The following GNA14 variants were observed in gnomAD, a reference collection of about 807,000 sequenced individuals.
GNA14 encodes the protein G protein subunit alpha 14.
In GNA14, 50 loss-of-function variants were observed where a neutral mutation model predicts 42.0. The observed-to-expected ratio is 1.19, with a 90% CI of 0.95 to 1.51. The LOEUF (loss-of-function observed/expected upper bound fraction) is 1.51. Among genes scored for constraint, GNA14 ranks in the 40% most tolerant of loss-of-function variants. The pLI is 0.00. For missense variants in GNA14, 473 were observed against 446.2 expected, an observed-to-expected ratio of 1.06 and a Z score of -0.54; for synonymous variants, 173 against 163.1, an observed-to-expected ratio of 1.06 and a Z score of -0.46.
chr9:77,426,327 T>G (rs147236925), intron 5 of GNA14, among the ~76,000 whole-genome samples: 4 of 151,964 alleles, frequency 2.6e-5, no homozygotes, highest in Non-Finnish European at 4.4e-5. Context: ...CTTTCTGAGA[T>G]GGAGTCTCGC....
intron 2 of GNA14, among the ~76,000 whole-genome samples, chr9:77,482,255 A>C (rs1485752796): frequency 6.6e-6 from 1 of 152,020 alleles, no homozygotes; most frequent in Admixed American, 6.5e-5. Flanking sequence ...GTGGTGACAA[A>C]ATCTCTCAGC....
At chr9:77,496,964 A>G (rs543120469) in intron 2 of GNA14, among the ~76,000 whole-genome samples, 3 of 152,284 alleles carry the variant, frequency 2.0e-5, no homozygotes, top group African/African-American at 7.2e-5. Context: ...TGTAGATCAC[A>G]TAGAAGTTTC....
rs1390805071 is a variant in GNA14, at chr9:77,423,448, A to C, written c.*531T>G. 1 of 152,202 alleles carries C rather than the reference A, an allele frequency of 6.6e-6. No homozygotes were observed. Among genetic ancestry groups the C allele is most frequent in the Non-Finnish European group, 1.5e-5 (1 of 68,036 alleles). The allele number at this position is 152,202 out of a possible 1,614,324, so 9.4% of individuals were successfully genotyped here. A position where few individuals can be genotyped will look rare whatever the true frequency, so the allele number is the denominator to read the frequency against. The stretch of plus-strand genomic sequence containing the variant: ...ACACACAAAAAGAACCAAGTGTTTA[A>C]AAAAAATCTTTGGTGGCATGTTAAA... On this transcript the variant is annotated 3_prime_UTR_variant, in exon 7 of 7. Coordinates refer to ENST00000341700, the MANE Select transcript of GNA14 (RefSeq NM_004297.4).
intron 2 of GNA14, chr9:77,526,728 C>T (rs1449215299): frequency 6.6e-6 from 1 of 152,162 alleles, no homozygotes; most frequent in African/African-American, 2.4e-5. Flanking sequence ...TTTAGCATGA[C>T]AAACTGTAAA....
At chr9:77,611,306 C>G (rs1823726989) in intron 1 of GNA14, among the ~76,000 whole-genome samples, 1 of 152,310 alleles carries the variant, frequency 6.6e-6, no homozygotes, top group Non-Finnish European at 1.5e-5. Flanking sequence ...ATCAGTTCTC[C>G]TGCTCCAGCA....
intron 5 of GNA14, among the ~76,000 whole-genome samples, chr9:77,428,314 C>T (rs532440717): frequency 2.6e-5 from 4 of 152,122 alleles, no homozygotes; most frequent in African/African-American, 2.4e-5. Context: ...CTCCTGACCT[C>T]GTGATCCACC....
intron 1 of GNA14, among the ~76,000 whole-genome samples, chr9:77,597,933 G>A (rs971771197): frequency 3.9e-5 from 6 of 152,072 alleles, no homozygotes; most frequent in African/African-American, 1.4e-4. Context: ...GCGTGGTGGT[G>A]CATGCTGAGA....
At chr9:77,488,179 C>T (rs535977633) in intron 2 of GNA14, among the ~76,000 whole-genome samples, 2 of 152,096 alleles carry the variant, frequency 1.3e-5, no homozygotes, top group Non-Finnish European at 2.9e-5. Context: ...CCTAGGGGCA[C>T]AGAGAAATTT....
At chr9:77,541,273 T>C (rs1193489010) in intron 1 of GNA14, among the ~76,000 whole-genome samples, 1 of 152,214 alleles carries the variant, frequency 6.6e-6, no homozygotes, top group Non-Finnish European at 1.5e-5. Context: ...AAATACTTTA[T>C]TTTTTCTTTA....
At chr9:77,611,241 C>G (rs1298276499) in intron 1 of GNA14, among the ~76,000 whole-genome samples, 1 of 152,160 alleles carries the variant, frequency 6.6e-6, no homozygotes, top group African/African-American at 2.4e-5. Flanking sequence ...AGGCATGAGA[C>G]AGAGGGCTTT....
At chr9:77,565,609 C>T (rs749457526) in intron 1 of GNA14, among the ~76,000 whole-genome samples, 12 of 152,120 alleles carry the variant, frequency 7.9e-5, no homozygotes, top group Non-Finnish European at 1.6e-4. Context: ...AGGCATGCGC[C>T]GCCATGCCTG....
chr9:77,613,791 T>G (rs1224996393), intron 1 of GNA14, among the ~76,000 whole-genome samples: 1 of 152,222 alleles, frequency 6.6e-6, no homozygotes, highest in Non-Finnish European at 1.5e-5. Flanking sequence ...CCCACCATAA[T>G]GTGCGATGTG....
chr9:77,506,896 A>G (rs1229052841), intron 2 of GNA14, among the ~76,000 whole-genome samples: 1 of 152,186 alleles, frequency 6.6e-6, no homozygotes, highest in East Asian at 1.9e-4. Flanking sequence ...TTCTGATACC[A>G]TTAATTTCCT....
At chr9:77,493,026 A>AATAT (rs1172872010) in intron 2 of GNA14, among the ~76,000 whole-genome samples, 39 of 51,712 alleles carry the variant, frequency 7.5e-4, no homozygotes, top group South Asian at 2.6e-3. Flanking sequence ...AAAAAAAAAA[A>AATAT]ATATATATAT....
At chr9:77,524,369 A>C in intron 2 of GNA14, among the ~76,000 whole-genome samples, 2 of 152,374 alleles carry the variant, frequency 1.3e-5, no homozygotes, top group Middle Eastern at 3.4e-3. Context: ...TAACATTTAA[A>C]ATAAAACCCT....
chr9:77,455,643 GGTTACTGTCTCT>G (rs1835986040), intron 2 of GNA14, among the ~76,000 whole-genome samples: 1 of 152,086 alleles, frequency 6.6e-6, no homozygotes, highest in Non-Finnish European at 1.5e-5. Context: ...TTATTGTTAG[GGTTACTGTCTCT>G]GTTCACATGA....
chr9:77,584,870 G>A (rs1193386223), intron 1 of GNA14, among the ~76,000 whole-genome samples: 1 of 152,100 alleles, frequency 6.6e-6, no homozygotes, highest in Admixed American at 6.5e-5. Context: ...ACTTCCTGAT[G>A]TTGCCATGGC....
intron 2 of GNA14, among the ~76,000 whole-genome samples, chr9:77,508,453 G>C (rs1157278531): frequency 6.6e-6 from 1 of 152,192 alleles, no homozygotes; most frequent in Non-Finnish European, 1.5e-5. Context: ...TAAAATTGGA[G>C]ACGACTGATT....
rs889770375 is a variant in GNA14 at position 77,470,833 on chromosome 9, G to A, written c.310-36311C>T. ...GAAGCAAGCACGTTTTACCATGGCAGCAGGAGAGAAAGAGAGAGCCAAGGG... is the reference window on the plus strand; with the variant it reads ...GAAGCAAGCACGTTTTACCATGGCAACAGGAGAGAAAGAGAGAGCCAAGGG... On this transcript the variant is annotated intron_variant, in intron 2 of 6. Coordinates refer to ENST00000341700, the MANE Select transcript of GNA14 (RefSeq NM_004297.4). Among the ~76,000 whole-genome samples, 12 of 152,254 alleles carry A rather than the reference G, an allele frequency of 7.9e-5. No homozygotes were observed. In the East Asian group the frequency reaches 2.3e-3, roughly 29 times the overall value.
Sources: allele counts gnomAD v4.1 joint callset (sites outside exome capture counted in the v4.1 genomes callset), GRCh38; gene constraint gnomAD v4.1.1; transcripts MANE v1.5; gene names NCBI Gene and HGNC (gene_info 2026-07-23, HGNC 2026-07-21).